RABGEF1: variants seen among roughly 807,000 people sequenced by gnomAD.
The protein encoded by RABGEF1 is rab5 GDP/GTP exchange factor.
Under a neutral mutation model 57.3 loss-of-function variants are expected in RABGEF1, and 26 were observed. The observed-to-expected ratio is 0.45, with a 90% CI of 0.33 to 0.63. The LOEUF (loss-of-function observed/expected upper bound fraction) is 0.63. Ranked by LOEUF, RABGEF1 falls within the 20% of genes least tolerant of loss-of-function variation. The pLI, the probability that RABGEF1 is intolerant of heterozygous loss-of-function variation, is 0.02. For synonymous variants in RABGEF1, 185 were observed against 210.7 expected, an observed-to-expected ratio of 0.88 and a Z score of 1.06; for missense variants, 464 against 607.6, an observed-to-expected ratio of 0.76 and a Z score of 2.48.
intron 2 of RABGEF1, among the ~76,000 whole-genome samples, chr7:66,773,305 C>G (rs2129116534): frequency 6.6e-6 from 1 of 152,300 alleles, no homozygotes; most frequent in Admixed American, 6.5e-5. Flanking sequence ...GTAGAGGCCA[C>G]TAGGCACAAA....
chr7:66,662,227 A>C, the RABGEF1 span, among the ~76,000 whole-genome samples: 1 of 149,786 alleles, frequency 6.7e-6, no homozygotes. Context: ...TGACAGAGCG[A>C]GACTCCGTCT....
chr7:66,759,688 C>G (rs1803748626), intron 1 of RABGEF1, among the ~76,000 whole-genome samples: 2 of 152,116 alleles, frequency 1.3e-5, no homozygotes, highest in African/African-American at 4.8e-5. Context: ...GGAGCAGGAG[C>G]AAGAGAGAAG....
intron 7 of RABGEF1, 101 bp from the exon 8 acceptor site, chr7:66,805,039 T>G (rs1788138134): frequency 7.6e-7 from 1 of 1,315,016 alleles, no homozygotes; most frequent in Non-Finnish European, 1.1e-6. Flanking sequence ...AAGGGGTTAA[T>G]AAGGATTCCT....
rs190152840 is a variant in RABGEF1 at position 66,756,094 on chromosome 7, A to G, written c.-18+15302A>G. ...ACCATGAAGGTGAGTACTGAAAGAT[A>G]TATAAGAAGAATATCTATAAATCAA... is the stretch of plus-strand genomic sequence containing the variant. On this transcript the variant is annotated intron_variant, in intron 1 of 8. Coordinates refer to ENST00000284957, the MANE Select transcript of RABGEF1 (RefSeq NM_014504.3). 7.2e-4 allele frequency: 1,012 copies of G among 1,412,682 alleles called. 5 individuals are homozygous for G. In the Middle Eastern group the frequency reaches 0.016, roughly 22 times the overall value. 87.5% of individuals were successfully genotyped at this position (1,412,682 alleles called of 1,614,324 possible).
upstream of RABGEF1, among the ~76,000 whole-genome samples, chr7:66,681,298 A>G (rs1355810121): frequency 6.6e-6 from 1 of 152,104 alleles, no homozygotes; most frequent in African/African-American, 2.4e-5. Context: ...TTACATGGGA[A>G]TCACATAAAG....
intron 3 of RABGEF1, among the ~76,000 whole-genome samples, chr7:66,781,544 G>A (rs1019056593): frequency 1.3e-5 from 2 of 152,110 alleles, no homozygotes; most frequent in African/African-American, 4.8e-5. Context: ...GCCACGGTGT[G>A]TGATGTTCCC....
At chr7:66,744,920 C>T (rs1799850145) in intron 1 of RABGEF1, among the ~76,000 whole-genome samples, 2 of 151,924 alleles carry the variant, frequency 1.3e-5, no homozygotes. Flanking sequence ...CAGCCGCACA[C>T]GGTGGCTCAC....
At chr7:66,793,552 G>A (rs747359943) in intron 4 of RABGEF1, among the ~76,000 whole-genome samples, 1 of 152,164 alleles carries the variant, frequency 6.6e-6, no homozygotes, top group Non-Finnish European at 1.5e-5. Flanking sequence ...TTTCTTCTAA[G>A]TTAAGTGCTA....
At chr7:66,711,298 C>T (rs760666466) in intron 1 of RABGEF1, among the ~76,000 whole-genome samples, 1 of 151,922 alleles carries the variant, frequency 6.6e-6, no homozygotes, top group African/African-American at 2.4e-5. Flanking sequence ...TCTAAGAACT[C>T]TTTGCCTAAC....
chr7:66,696,532 A>G (rs1269525757), intron 1 of RABGEF1, among the ~76,000 whole-genome samples: 3 of 151,978 alleles, frequency 2.0e-5, no homozygotes, highest in Non-Finnish European at 4.4e-5. Context: ...TCTACTAAAA[A>G]TACAAAAATT....
chr7:66,689,411 A>G (rs1403704652), intron 1 of RABGEF1, among the ~76,000 whole-genome samples: 1 of 152,190 alleles, frequency 6.6e-6, no homozygotes, highest in Non-Finnish European at 1.5e-5. Context: ...AGAGAATACT[A>G]TAAACATAGG....
intron 2 of RABGEF1, among the ~76,000 whole-genome samples, chr7:66,713,144 C>CTTTTT (rs575223946): frequency 5.8e-5 from 8 of 137,882 alleles, no homozygotes; most frequent in African/African-American, 7.8e-5. Flanking sequence ...CTTTTCTTTT[C>CTTTTT]TTTTTTTTTT....
At chr7:66,680,311 A>C (rs1333461284), upstream of RABGEF1, among the ~76,000 whole-genome samples, 1 of 151,420 alleles carries the variant, frequency 6.6e-6, no homozygotes, top group Non-Finnish European at 1.5e-5. Context: ...CAATGTCGTG[A>C]TCTCGGCTCA....
chr7:66,795,118 C>G (rs1452870023), intron 4 of RABGEF1, among the ~76,000 whole-genome samples: 1 of 152,128 alleles, frequency 6.6e-6, no homozygotes, highest in Non-Finnish European at 1.5e-5. Context: ...CCTCTTCTTT[C>G]TGTGTGGAGC....
intron 4 of RABGEF1, among the ~76,000 whole-genome samples, chr7:66,784,800 G>T (rs1810766644): frequency 6.6e-6 from 1 of 151,924 alleles, no homozygotes; most frequent in Admixed American, 6.6e-5. Context: ...TCTTTCTCTA[G>T]GTATTTTTTC....
At chr7:66,788,354 A>G (rs1429149383) in intron 4 of RABGEF1, among the ~76,000 whole-genome samples, 2 of 152,058 alleles carry the variant, frequency 1.3e-5, no homozygotes, top group Non-Finnish European at 2.9e-5. Flanking sequence ...CTGAGGGAGA[A>G]GAATCACTTG....
chr7:66,695,973 A>T (rs1734568843), intron 1 of RABGEF1, among the ~76,000 whole-genome samples: 1 of 152,110 alleles, frequency 6.6e-6, no homozygotes, highest in Admixed American at 6.6e-5. Flanking sequence ...CAAAAAAAAA[A>T]AAATAAAGTG....
chr7:66,809,902 A>G lies in RABGEF1; in HGVS notation c.*618A>G, dbSNP rs1236397127. The stretch of plus-strand genomic sequence containing the variant: ...AAACTCCCCTTAAGATGTGCACTCC[A>G]TCTTTAAGAACGTGTTAGCCTTAAC... On this transcript the variant is annotated 3_prime_UTR_variant, in exon 9 of 9. Coordinates refer to ENST00000284957, the MANE Select transcript of RABGEF1 (RefSeq NM_014504.3). 5 of 152,770 alleles carry G rather than the reference A, an allele frequency of 3.3e-5. 1 individual carries two copies. The South Asian group carries it at 1.0e-3, about 32-fold the overall frequency. The allele number at this position is 152,770 out of a possible 1,614,324, so 9.5% of individuals were successfully genotyped here. A position where few individuals can be genotyped will look rare whatever the true frequency, so the allele number is the denominator to read the frequency against.
At chr7:66,677,146 TATGTC>T in the RABGEF1 span, among the ~76,000 whole-genome samples, 35 of 152,218 alleles carry the variant, frequency 2.3e-4, no homozygotes, top group African/African-American at 8.0e-4. Flanking sequence ...CATTAAATTT[TATGTC>T]ATGTACATTT....
Sources: allele counts gnomAD v4.1 joint callset (sites outside exome capture counted in the v4.1 genomes callset), GRCh38; gene constraint gnomAD v4.1.1; transcripts MANE v1.5; gene names NCBI Gene and HGNC (gene_info 2026-07-23, HGNC 2026-07-21).